Variants in NAALADL2 observed in about 807,000 individuals in gnomAD.
The protein encoded by NAALADL2 is inactive N-acetylated-alpha-linked acidic dipeptidase-like protein 2.
NAALADL2 carries 76 observed loss-of-function variants against 87.2 expected under a neutral mutation model. The observed-to-expected ratio is 0.87, with a 90% CI of 0.72 to 1.05. NAALADL2 has a LOEUF of 1.05. Ranked by LOEUF, NAALADL2 falls within the 50% of genes least tolerant of loss-of-function variation. The pLI, the probability that NAALADL2 is intolerant of heterozygous loss-of-function variation, is 0.00. For missense variants in NAALADL2, 1,089 were observed against 945.8 expected, an observed-to-expected ratio of 1.15 and a Z score of -1.99; for synonymous variants, 354 against 331.0, an observed-to-expected ratio of 1.07 and a Z score of -0.75.
intron 1 of NAALADL2, among the ~76,000 whole-genome samples, chr3:174,549,721 C>T (rs1001304516): frequency 4.7e-4 from 72 of 151,934 alleles, no homozygotes; most frequent in African/African-American, 1.5e-4. Context: ...TTTTAAAAAC[C>T]GAAATGTCAT....
intron 1 of NAALADL2, among the ~76,000 whole-genome samples, chr3:174,899,982 C>T (rs887943080): frequency 2.0e-5 from 3 of 151,758 alleles, no homozygotes; most frequent in African/African-American, 4.8e-5. Context: ...TTAAAAAACT[C>T]TTATTTTATA....
chr3:175,025,242 GAAA>G (rs202134073), intron 1 of NAALADL2, among the ~76,000 whole-genome samples: 11 of 149,162 alleles, frequency 7.4e-5, no homozygotes, highest in Non-Finnish European at 1.3e-4. Flanking sequence ...GCAGGCATAT[GAAA>G]AAAAAAAGTT....
intron 9 of NAALADL2, among the ~76,000 whole-genome samples, chr3:175,495,092 A>ATTTTTTT (rs59352149): frequency 7.3e-6 from 1 of 136,504 alleles, no homozygotes; most frequent in African/African-American, 2.8e-5. Flanking sequence ...ATATATATAT[A>ATTTTTTT]TTTTTTTTTA....
intron 4 of NAALADL2, among the ~76,000 whole-genome samples, chr3:175,293,419 G>A (rs535426993): frequency 6.6e-6 from 1 of 152,042 alleles, no homozygotes; most frequent in Non-Finnish European, 1.5e-5. Context: ...TAGCACTATC[G>A]ATATGGAAAA....
rs996963645 is a variant in NAALADL2 at position 175,596,513 on chromosome 3, G to A, written c.1800+20326G>A. Among the ~76,000 whole-genome samples the A allele has an allele frequency of 1.3e-5, 2 of 151,816 alleles. 1 individual carries two copies. Among genetic ancestry groups the A allele is most frequent in the Non-Finnish European group, 2.9e-5 (2 of 67,820 alleles). On this transcript the variant is annotated intron_variant, in intron 10 of 13. Transcript: ENST00000454872. ...GTTGACATTCTCTTTACCATATGAA[G>A]AATTTAATCCTTAAAATTAGTGTTT...
chr3:175,159,309 A>G (rs373515708), intron 2 of NAALADL2, among the ~76,000 whole-genome samples: 44 of 152,192 alleles, frequency 2.9e-4, no homozygotes, highest in Non-Finnish European at 8.8e-5. Context: ...ACAAGGACCA[A>G]CTTAACCAGA....
intron 5 of NAALADL2, among the ~76,000 whole-genome samples, chr3:175,352,391 T>G (rs964070613): frequency 2.0e-5 from 3 of 152,136 alleles, no homozygotes; most frequent in East Asian, 3.9e-4. Context: ...GGGATCCGAA[T>G]GTACTGTGTA....
At chr3:175,581,378 G>T (rs1183015269) in intron 10 of NAALADL2, among the ~76,000 whole-genome samples, 4 of 152,162 alleles carry the variant, frequency 2.6e-5, no homozygotes, top group Non-Finnish European at 4.4e-5. Context: ...GCAGGCGAAG[G>T]TTGCAGTGAG....
At chr3:174,460,035 A>G (rs1010128872) in intron 1 of NAALADL2, among the ~76,000 whole-genome samples, 2 of 152,164 alleles carry the variant, frequency 1.3e-5, no homozygotes, top group Non-Finnish European at 2.9e-5. Context: ...CTCTTCTTCA[A>G]TACATCCAAT....
At chr3:175,456,340 GA>G (rs1722317257) in intron 6 of NAALADL2, among the ~76,000 whole-genome samples, 1 of 151,952 alleles carries the variant, frequency 6.6e-6, no homozygotes, top group Non-Finnish European at 1.5e-5. Context: ...TCTCTGAGTG[GA>G]ACACATTTTT....
At chr3:175,701,223 C>T (rs993722582) in intron 11 of NAALADL2, among the ~76,000 whole-genome samples, 1 of 152,036 alleles carries the variant, frequency 6.6e-6, no homozygotes, top group Non-Finnish European at 1.5e-5. Flanking sequence ...AAGTGAGGCA[C>T]CCTATGTAGG....
At chr3:174,941,368 G>A (rs1195876049) in intron 1 of NAALADL2, among the ~76,000 whole-genome samples, 1 of 151,970 alleles carries the variant, frequency 6.6e-6, no homozygotes, top group Non-Finnish European at 1.5e-5. Context: ...ACTGTGTTTG[G>A]TATGATTGCA....
intron 2 of NAALADL2, among the ~76,000 whole-genome samples, chr3:174,584,687 G>A (rs1419190114): frequency 6.6e-6 from 1 of 151,962 alleles, no homozygotes; most frequent in Non-Finnish European, 1.5e-5. Context: ...TTTTTATTTA[G>A]TACCATCTCA....
At chr3:174,445,011 ATTTT>A (rs769110915) in intron 1 of NAALADL2, among the ~76,000 whole-genome samples, 1 of 144,176 alleles carries the variant, frequency 6.9e-6, no homozygotes, top group Admixed American at 6.9e-5. Context: ...CTTGTTTGAG[ATTTT>A]TTTTTTTTTT....
In NAALADL2 at chr3:174,535,854, T is replaced by A. The variant is rs113469992; in HGVS notation, c.-183-14715T>A. 2.6e-3 allele frequency among the ~76,000 whole-genome samples: 397 copies of A among 151,744 alleles called. 5 individuals are homozygous for A. Among genetic ancestry groups the A allele is most frequent in the African/African-American group, 9.3e-3 (384 of 41,418 alleles). On this transcript the variant is annotated intron_variant, in intron 1 of 3. Transcript: ENST00000434257. Reference sequence around the variant, plus strand: ...ATTTTCCCTCTACATTATAATTTACTTTTTTTTTCTTTCTTTAAGAAGTAG... The same window carrying A: ...ATTTTCCCTCTACATTATAATTTACATTTTTTTTCTTTCTTTAAGAAGTAG...
intron 3 of NAALADL2, among the ~76,000 whole-genome samples, chr3:175,249,980 A>T (rs137997503): frequency 1.5e-3 from 221 of 151,954 alleles, no homozygotes; most frequent in Non-Finnish European, 1.6e-3. Context: ...GACCAGCCTA[A>T]CCAACATGGA....
chr3:175,779,629 T>G (rs1406235858), intron 13 of NAALADL2, among the ~76,000 whole-genome samples: 1 of 152,190 alleles, frequency 6.6e-6, no homozygotes, highest in African/African-American at 2.4e-5. Context: ...AAAGTTTTAT[T>G]TTGATGAAGC....
intron 11 of NAALADL2, among the ~76,000 whole-genome samples, chr3:175,667,195 GA>G (rs770151287): frequency 1.0e-5 from 1 of 98,684 alleles, no homozygotes; most frequent in African/African-American, 6.7e-5. Context: ...AAGAAAGAAA[GA>G]AAGAAAGAAA....
At chr3:174,600,298 A>G (rs1162185898) in intron 2 of NAALADL2, among the ~76,000 whole-genome samples, 1 of 152,104 alleles carries the variant, frequency 6.6e-6, no homozygotes, top group Non-Finnish European at 1.5e-5. Context: ...TTGGTAGTAT[A>G]TGAGGAATTC....
Sources: gnomAD v4.1 joint callset for allele counts (sites outside exome capture counted in the v4.1 genomes callset) on GRCh38, gnomAD v4.1.1 for gene constraint, MANE v1.5 for transcripts, NCBI Gene and HGNC (gene_info 2026-07-23, HGNC 2026-07-21) for gene names.